Variants in ZNF395 observed in about 807,000 individuals in gnomAD.
The protein encoded by ZNF395 is HD gene regulatory region-binding protein 2.
A neutral mutation model predicts 57.7 loss-of-function variants in ZNF395; 20 were observed. The observed-to-expected ratio is 0.35, with a 90% CI of 0.24 to 0.50. The LOEUF is 0.50. Among genes scored for constraint, ZNF395 ranks in the 20% least tolerant of loss-of-function variants. ZNF395 has a pLI of 0.97. For missense variants in ZNF395, 606 were observed against 671.2 expected (o/e 0.90, Z 1.07); for synonymous variants, 295 against 275.9 (o/e 1.07, Z -0.69).
At position 28,361,038 on chromosome 8, in the gene ZNF395, C is replaced by T. The variant is rs1328227263; in HGVS notation, c.87G>A (p.Ser29=). The T allele has an allele frequency of 2.5e-6, 4 of 1,609,450 alleles. No individual in the cohort carries two copies. Among genetic ancestry groups the T allele is most frequent in the African/African-American group, 2.7e-5 (2 of 74,888 alleles). ...VLGPSASEGP[S]AAPPSEPLLE... is the part of the protein sequence containing the mutation. ...GCAGTGGCTCCGAGGGTGGGGCAGC[C>T]GAGGGCCCCTCCGAGGCACTGGGTC... Residue 29 remains serine, a synonymous_variant, in exon 2 of 10, where the codon TCG becomes TCA. Transcript: ENST00000344423.
At chr8:28,349,755 C>T (rs972356117) in intron 8 of ZNF395, among the ~76,000 whole-genome samples, 9 of 152,224 alleles carry the variant, frequency 5.9e-5, no homozygotes, top group African/African-American at 1.9e-4. Context: ...AAAACACCCA[C>T]GGGCACTAGG....
intron 1 of ZNF395, among the ~76,000 whole-genome samples, chr8:28,374,280 A>G (rs553598999): frequency 2.9e-4 from 44 of 152,310 alleles, no homozygotes; most frequent in Admixed American, 7.8e-4. Flanking sequence ...TGTAAGTCCT[A>G]TAGGTATAGA....
chr8:28,383,060 A>T (rs1802129543), intron 1 of ZNF395, among the ~76,000 whole-genome samples: 1 of 152,208 alleles, frequency 6.6e-6, no homozygotes, highest in Non-Finnish European at 1.5e-5. Flanking sequence ...AATTAGCTTG[A>T]CCACTGCTTC....
chr8:28,358,147 T>C (rs937961204), intron 3 of ZNF395, among the ~76,000 whole-genome samples: 1 of 148,958 alleles, frequency 6.7e-6, no homozygotes, highest in African/African-American at 2.5e-5. Flanking sequence ...TTTTTCTTTT[T>C]TTTCTTTTTT....
Position 28,355,325 on chromosome 8 carries a change from T to G in ZNF395, c.583+1345A>C, listed in dbSNP as rs542876358. The stretch of plus-strand genomic sequence containing the variant: ...CTCTCTTAGTCAAGGTTTTGGTTGT[T>G]GTATAGACCACACTTTGCAGAATAC... On this transcript the variant is annotated intron_variant, in intron 4 of 9. Transcript: ENST00000344423. Among the ~76,000 whole-genome samples the G allele has an allele frequency of 9.2e-5, 14 of 152,316 alleles. No homozygotes were observed. In the South Asian group the frequency reaches 2.3e-3, roughly 25 times the overall value.
chr8:28,362,142 T>C (rs1234728816), intron 1 of ZNF395, among the ~76,000 whole-genome samples: 5 of 151,984 alleles, frequency 3.3e-5, no homozygotes, highest in Non-Finnish European at 5.9e-5. Flanking sequence ...CCTCTCATCT[T>C]ACACTTGAAG....
Position 28,360,930 on chromosome 8 carries a change from G to A in ZNF395, c.195C>T (p.Pro65=), listed in dbSNP as rs776266237. Residue 65 remains proline (P), a synonymous_variant, in exon 2 of 10, where the codon CCC becomes CCT. Transcript: ENST00000344423. ...QEQPKEVLKA[P]STSGLQQVAF... ...CCACCTGCTGAAGGCCCGAGGTGCT[G>A]GGAGCCTTAAGGACTTCCTTGGGCT... The A allele has an allele frequency of 5.6e-6, 9 of 1,613,884 alleles. No individual in the cohort carries two copies. Among genetic ancestry groups the A allele is most frequent in the African/African-American group, 1.3e-5 (1 of 74,940 alleles).
At chr8:28,348,897 G>T in intron 9 of ZNF395, 67 bp from the exon 10 acceptor site, 1 of 1,531,288 alleles carries the variant, frequency 6.5e-7, no homozygotes, top group Non-Finnish European at 9.0e-7. Flanking sequence ...TGGCCAAGTG[G>T]GGCTGGGAGA....
At position 28,347,197 on chromosome 8, in the gene ZNF395, C is replaced by T. The variant is rs1185257898; in HGVS notation, c.*1522G>A. On this transcript the variant is annotated 3_prime_UTR_variant, in exon 10 of 10. Coordinates refer to ENST00000344423, the MANE Select transcript of ZNF395 (RefSeq NM_018660.3). Reference sequence around the variant, plus strand: ...TCACCCAGGACTGGGAGGGCGGCCTCGATGACAACCAAGGGGTGGATGCTG... The same window carrying T: ...TCACCCAGGACTGGGAGGGCGGCCTTGATGACAACCAAGGGGTGGATGCTG... 2.6e-5 allele frequency: 4 copies of T among 152,122 alleles called. No individual in the cohort carries two copies. Among genetic ancestry groups the T allele is most frequent in the Non-Finnish European group, 4.4e-5 (3 of 68,056 alleles). 9.4% of individuals were successfully genotyped at this position (152,122 alleles called of 1,614,324 possible).
At chr8:28,353,462 ACT>A in intron 4 of ZNF395, 54 bp from the exon 5 acceptor site, 1 of 1,374,670 alleles carries the variant, frequency 7.3e-7, no homozygotes, top group South Asian at 1.5e-5. Flanking sequence ...CCCTGGGCAA[ACT>A]CTCCCTTCTG....
chr8:28,359,926 A>C lies in ZNF395; in HGVS notation c.241-102T>G. 2 of 1,484,698 alleles carry C rather than the reference A, an allele frequency of 1.3e-6. No individual in the cohort carries two copies. Among genetic ancestry groups the C allele is most frequent in the Non-Finnish European group, 1.8e-6 (2 of 1,111,812 alleles). The allele number at this position is 1,484,698 out of a possible 1,614,324, so 92.0% of individuals were successfully genotyped here. A position where few individuals can be genotyped will look rare whatever the true frequency, so the allele number is the denominator to read the frequency against. ...CAGGAGCCAGGATCTGCCTGCCACAAACCATGTTCTCTGCCTCACTCATCT... is the reference window on the plus strand; with the variant it reads ...CAGGAGCCAGGATCTGCCTGCCACACACCATGTTCTCTGCCTCACTCATCT... On this transcript the variant is annotated intron_variant, in intron 2 of 9. Transcript: ENST00000344423. This position sits in a 1 kb window ranked among gnomAD's most constrained non-coding sequence, Gnocchi z 4.7.
intron 4 of ZNF395, among the ~76,000 whole-genome samples, chr8:28,355,518 T>C (rs1801768587): frequency 6.6e-6 from 1 of 152,134 alleles, no homozygotes; most frequent in African/African-American, 2.4e-5. Context: ...TGCTTCTACG[T>C]TGATGTGCAC....
intron 8 of ZNF395, among the ~76,000 whole-genome samples, chr8:28,349,847 C>T (rs989783439): frequency 4.6e-5 from 7 of 152,370 alleles, no homozygotes; most frequent in Admixed American, 3.3e-4. Context: ...CCTCTACAAG[C>T]GCCTCCTTCC....
intron 1 of ZNF395, among the ~76,000 whole-genome samples, chr8:28,363,013 T>C (rs1045117234): frequency 1.3e-5 from 2 of 152,054 alleles, no homozygotes; most frequent in African/African-American, 4.8e-5. Context: ...AATAACACTC[T>C]CGCTGAAAGC....
chr8:28,361,697 T>C (rs972767384), intron 1 of ZNF395, among the ~76,000 whole-genome samples: 1 of 152,130 alleles, frequency 6.6e-6, no homozygotes, highest in Non-Finnish European at 1.5e-5. Context: ...GTAGGGCAAC[T>C]TCCAGGATAC....
chr8:28,347,086 G>A lies in ZNF395; in HGVS notation c.*1633C>T, dbSNP rs529264360. ...CCCTACTGCCAGGTCTACAGATTTT[G>A]TAACACTCAAAGTGTCCTGCATTAA... On this transcript the variant is annotated 3_prime_UTR_variant, in exon 10 of 10. Coordinates refer to ENST00000344423, the MANE Select transcript of ZNF395 (RefSeq NM_018660.3). The A allele has an allele frequency of 6.6e-6, 1 of 152,184 alleles. No individual in the cohort carries two copies. Among genetic ancestry groups the A allele is most frequent in the African/African-American group, 2.4e-5 (1 of 41,512 alleles). 9.4% of individuals were successfully genotyped at this position (152,184 alleles called of 1,614,324 possible). A position where few individuals can be genotyped will look rare whatever the true frequency, so the allele number is the denominator to read the frequency against.
At chr8:28,365,952 C>T (rs1055905955) in intron 1 of ZNF395, among the ~76,000 whole-genome samples, 1 of 152,296 alleles carries the variant, frequency 6.6e-6, no homozygotes, top group East Asian at 1.9e-4. Context: ...TAGGCACGCC[C>T]CCACACTTGT....
In ZNF395 at chr8:28,347,022, TCACCA is replaced by T. The variant is rs1397968593; in HGVS notation, c.*1692_*1696del. On this transcript the variant is annotated 3_prime_UTR_variant, in exon 10 of 10. Coordinates refer to ENST00000344423, the MANE Select transcript of ZNF395 (RefSeq NM_018660.3). ...TGTGCACAAGTGTCTGTCCCTTCTGTCACCAACCTAGGGCACTACACCCTTCCCAA... is the reference window on the plus strand; with the variant it reads ...TGTGCACAAGTGTCTGTCCCTTCTGTACCTAGGGCACTACACCCTTCCCAA... The T allele has an allele frequency of 6.6e-6, 1 of 151,448 alleles. No homozygotes were observed. The highest frequency in any genetic ancestry group is 1.5e-5 in the Non-Finnish European group (1 of 67,858). 9.4% of individuals were successfully genotyped at this position (151,448 alleles called of 1,614,324 possible).
rs1801599230 is a variant in ZNF395, at chr8:28,346,294, G to A, written c.*2425C>T. On this transcript the variant is annotated 3_prime_UTR_variant, in exon 10 of 10. Transcript: ENST00000344423. Reference sequence around the variant, plus strand: ...CTGGGAAGGAGGGAGATACAAAGAAGAAAGTAGGCATGATCACTGGGTCGG... The same window carrying A: ...CTGGGAAGGAGGGAGATACAAAGAAAAAAGTAGGCATGATCACTGGGTCGG... The A allele has an allele frequency of 6.6e-6, 1 of 152,170 alleles. No individual in the cohort carries two copies. The highest frequency in any genetic ancestry group is 1.5e-5 in the Non-Finnish European group (1 of 68,054). The allele number at this position is 152,170 out of a possible 1,614,324, so 9.4% of individuals were successfully genotyped here. A position where few individuals can be genotyped will look rare whatever the true frequency, so the allele number is the denominator to read the frequency against.
Sources: allele counts gnomAD v4.1 joint callset (sites outside exome capture counted in the v4.1 genomes callset), GRCh38; gene constraint gnomAD v4.1.1; non-coding constraint Gnocchi (gnomAD v3.1); transcripts MANE v1.5; gene names NCBI Gene and HGNC (gene_info 2026-07-23, HGNC 2026-07-21).